The following ERI1 variants were observed in gnomAD, a reference collection of about 807,000 sequenced individuals.
ERI1 encodes exoribonuclease 1.
A neutral mutation model predicts 39.7 loss-of-function variants in ERI1; 39 were observed. The ratio of observed to expected loss-of-function variants is 0.98; its 90% CI spans 0.76 to 1.28. The LOEUF is 1.28. ERI1 is among the 50% of genes most tolerant of loss of function. The pLI, the probability that ERI1 is intolerant of heterozygous loss-of-function variation, is 0.00. For missense variants in ERI1, 581 were observed against 416.9 expected, an observed-to-expected ratio of 1.39 and a Z score of -3.43; for synonymous variants, 204 against 149.6, an observed-to-expected ratio of 1.36 and a Z score of -2.65.
At chr8:9,069,252 C>G (rs1289965847) in intron 3 of ERI1, among the ~76,000 whole-genome samples, 1 of 152,212 alleles carries the variant, frequency 6.6e-6, no homozygotes, top group African/African-American at 2.4e-5. Context: ...AGGATCTTTT[C>G]ACTTGAATCC....
Position 9,061,717 on chromosome 8 carries a change from T to C in ERI1, n.299+41253T>C, listed in dbSNP as rs562707308. ...CCAGACATGATCAGCAGGGAGAGCA[T>C]GTGTGTTTTTATGAGAATTATGCCG... On this transcript the variant is annotated intron_variant and non_coding_transcript_variant, in intron 3 of 3. Coordinates refer to the ERI1 transcript ENST00000518663. 3.7e-3 allele frequency among the ~76,000 whole-genome samples: 560 copies of C among 151,974 alleles called. 3 individuals carry two copies. Among genetic ancestry groups the C allele is most frequent in the African/African-American group, 0.013 (533 of 41,376 alleles).
chr8:9,080,255 C>T (rs1290546439), intron 3 of ERI1, among the ~76,000 whole-genome samples: 4 of 152,190 alleles, frequency 2.6e-5, no homozygotes, highest in East Asian at 1.9e-4. Context: ...AGAGGACTTG[C>T]ATTCCTCAGA....
chr8:9,055,782 C>G (rs1267492191), intron 3 of ERI1, among the ~76,000 whole-genome samples: 1 of 152,168 alleles, frequency 6.6e-6, no homozygotes, highest in East Asian at 1.9e-4. Context: ...AAGTGATCCT[C>G]TCCCTTCTCA....
chr8:9,056,703 C>G (rs1798520105), intron 3 of ERI1, among the ~76,000 whole-genome samples: 2 of 152,138 alleles, frequency 1.3e-5, no homozygotes, highest in Admixed American at 6.6e-5. Flanking sequence ...AAACCTTTAC[C>G]AATGTAGTAG....
At chr8:9,025,702 T>TGTGTGTGTGTGTG (rs1554519270) in intron 6 of ERI1, among the ~76,000 whole-genome samples, 1 of 147,772 alleles carries the variant, frequency 6.8e-6, no homozygotes, top group African/African-American at 2.5e-5. Context: ...TCTTTTTTTT[T>TGTGTGTGTGTGTG]TGTGTGTGTG....
In ERI1 at chr8:9,053,389, A is replaced by G. The variant is rs566128978; in HGVS notation, n.299+32925A>G. ...AAAAACTCTTGAGCAACAAGCTTCCAGGAGCTTCTGGGTTGATAAGCTCAT... is the reference window on the plus strand; with the variant it reads ...AAAAACTCTTGAGCAACAAGCTTCCGGGAGCTTCTGGGTTGATAAGCTCAT... On this transcript the variant is annotated intron_variant and non_coding_transcript_variant, in intron 3 of 3. Coordinates refer to the ERI1 transcript ENST00000518663. 8.5e-5 allele frequency among the ~76,000 whole-genome samples: 13 copies of G among 152,286 alleles called. 1 individual carries two copies. The highest frequency in any genetic ancestry group is 3.1e-4 in the African/African-American group (13 of 41,572).
At chr8:9,094,043 A>G (rs1255919358) in intron 3 of ERI1, among the ~76,000 whole-genome samples, 1 of 152,120 alleles carries the variant, frequency 6.6e-6, no homozygotes, top group African/African-American at 2.4e-5. Flanking sequence ...AGCTAGCTTC[A>G]ACTATTACTA....
intron 3 of ERI1, among the ~76,000 whole-genome samples, chr8:9,047,740 TCC>T (rs138106155): frequency 0.16 from 7,759 of 47,210 alleles, 282 homozygotes; most frequent in Non-Finnish European, 0.25. Context: ...CATCTCTCCC[TCC>T]CCTCTCCCCT....
chr8:9,020,744 ACTAGATT>A (rs1325754735), intron 6 of ERI1, among the ~76,000 whole-genome samples: 1 of 152,170 alleles, frequency 6.6e-6, no homozygotes, highest in Non-Finnish European at 1.5e-5. Context: ...AATGCTCCCC[ACTAGATT>A]TTAATTTTAC....
chr8:9,095,658 C>G (rs546782985), intron 3 of ERI1, among the ~76,000 whole-genome samples: 39 of 152,160 alleles, frequency 2.6e-4, no homozygotes, highest in African/African-American at 9.4e-4. Context: ...GTAGCTGGGA[C>G]TACAGGCACA....
intron 3 of ERI1, among the ~76,000 whole-genome samples, chr8:9,069,330 C>G (rs1473068702): frequency 6.6e-6 from 1 of 152,118 alleles, no homozygotes; most frequent in Non-Finnish European, 1.5e-5. Flanking sequence ...TTTAAAAGCA[C>G]TTATGTTTTA....
intron 3 of ERI1, among the ~76,000 whole-genome samples, chr8:9,054,008 C>T (rs1798435239): frequency 6.6e-6 from 1 of 151,802 alleles, no homozygotes; most frequent in African/African-American, 2.4e-5. Flanking sequence ...CACCCTGTGG[C>T]ATTCAAAGTT....
intron 3 of ERI1, among the ~76,000 whole-genome samples, chr8:9,052,440 T>G (rs1339677755): frequency 6.6e-6 from 1 of 152,190 alleles, no homozygotes; most frequent in Admixed American, 6.5e-5. Context: ...GCTGATTGGT[T>G]GAACTCGCCT....
intron 4 of ERI1, among the ~76,000 whole-genome samples, chr8:9,017,195 A>T (rs929464258): frequency 3.9e-5 from 6 of 151,918 alleles, no homozygotes; most frequent in South Asian, 2.1e-4. Context: ...ACACACCACG[A>T]TGATTGGCTA....
downstream of ERI1, among the ~76,000 whole-genome samples, chr8:9,036,293 T>C (rs944629695): frequency 2.0e-5 from 3 of 152,212 alleles, no homozygotes; most frequent in African/African-American, 7.2e-5. Flanking sequence ...CAAATATCAG[T>C]TGATGGAGCA....
intron 3 of ERI1, among the ~76,000 whole-genome samples, chr8:9,077,689 G>A (rs1312680387): frequency 6.6e-6 from 1 of 152,248 alleles, no homozygotes; most frequent in Non-Finnish European, 1.5e-5. Flanking sequence ...CTCTGAGCAA[G>A]AGGTCAGACC....
At chr8:9,094,384 C>T (rs994691910) in intron 3 of ERI1, among the ~76,000 whole-genome samples, 7 of 152,168 alleles carry the variant, frequency 4.6e-5, no homozygotes, top group Non-Finnish European at 7.3e-5. Context: ...TGATATTTGC[C>T]TCGCAATCCC....
At chr8:9,016,502 A>G in intron 4 of ERI1, 97 bp downstream of exon 4, 1 of 549,346 alleles carries the variant, frequency 1.8e-6, no homozygotes, top group Non-Finnish European at 3.0e-6. Flanking sequence ...ACTGTTGTGA[A>G]CAATTTAATA....
At chr8:9,083,085 G>T (rs1799418049) in intron 3 of ERI1, among the ~76,000 whole-genome samples, 1 of 152,114 alleles carries the variant, frequency 6.6e-6, no homozygotes, top group Non-Finnish European at 1.5e-5. Context: ...TTTAACTGGG[G>T]CCCTGCATTT....
Sources: allele counts gnomAD v4.1 joint callset (sites outside exome capture counted in the v4.1 genomes callset), GRCh38; gene constraint gnomAD v4.1.1; transcripts MANE v1.5; gene names NCBI Gene and HGNC (gene_info 2026-07-23, HGNC 2026-07-21).